The following CPNE9 variants were observed in gnomAD, a reference collection of about 807,000 sequenced individuals.
CPNE9 encodes copine family member 9.
In CPNE9, 59 loss-of-function variants were observed where a neutral mutation model predicts 83.0. The observed-to-expected ratio is 0.71, with a 90% CI of 0.58 to 0.88. CPNE9 has a LOEUF of 0.88. Ranked by LOEUF, CPNE9 falls within the 40% of genes least tolerant of loss-of-function variation. The pLI is 0.00. For synonymous variants in CPNE9, 256 were observed against 273.4 expected, an observed-to-expected ratio of 0.94 and a Z score of 0.63; for missense variants, 619 against 720.8, an observed-to-expected ratio of 0.86 and a Z score of 1.62.
intron 7 of CPNE9, among the ~76,000 whole-genome samples, chr3:9,708,507 A>C (rs1440454512): frequency 6.6e-6 from 1 of 152,262 alleles, no homozygotes; most frequent in Non-Finnish European, 1.5e-5. Context: ...AAATGCTGCT[A>C]CAGCTCAAAT....
chr3:9,726,695 G>C lies in CPNE9; in HGVS notation c.1375G>C (p.Val459Leu), dbSNP rs566993609. Residue 459 changes from valine (V) to leucine (L), a missense_variant, in exon 19 of 21, where the codon GTC becomes CTC. Around this residue, in one of 3 missense-constraint regions of CPNE9, gnomAD observed 438 missense variants for 562.9 expected, o/e 0.78. Transcript: ENST00000383832. ...CTCATTGCCCATGTCTATCATTATCGTCGGTGTAGGACCAGCCATGTTTGA... is the reference window on the plus strand; with the variant it reads ...CTCATTGCCCATGTCTATCATTATCCTCGGTGTAGGACCAGCCATGTTTGA... ...ASSLPMSIII[V>L]GVGPAMFEAM... 6.2e-7 allele frequency: 1 copy of C among 1,613,832 alleles called. No homozygotes were observed. Among genetic ancestry groups the C allele is most frequent in the South Asian group, 1.1e-5 (1 of 91,056 alleles).
intron 7 of CPNE9, among the ~76,000 whole-genome samples, chr3:9,709,224 C>T (rs542564924): frequency 4.2e-5 from 6 of 142,382 alleles, no homozygotes; most frequent in East Asian, 2.2e-4. Flanking sequence ...TGCAGTGAGC[C>T]GAGATCACGC....
In CPNE9 at chr3:9,704,048, A is replaced by G. The variant is rs1304931070; in HGVS notation, c.52A>G (p.Ile18Val). Residue 18 changes from isoleucine (I) to valine (V), a missense_variant, in exon 1 of 21, where the codon ATT (isoleucine) becomes GTT (valine). Physicochemically the swap from Ile to Val is conservative, Grantham distance 29. Coordinates refer to ENST00000383832, the MANE Select transcript of CPNE9 (RefSeq NM_153635.3). This position sits in a 1 kb window ranked among gnomAD's most constrained non-coding sequence, Gnocchi z 7.1. ...CAGCGTCCCGGCCACCAAGATTGAA[A>G]TTACCGTGTCCTGCCGGTGAGCGGG... ...ERSVPATKIE[I>V]TVSCRNLLDL... is the part of the protein sequence containing the mutation. 6.2e-7 allele frequency: 1 copy of G among 1,608,884 alleles called. No homozygotes were observed. The highest frequency in any genetic ancestry group is 1.7e-5 in the Admixed American group (1 of 59,812).
intron 10 of CPNE9, 131 bp from the exon 11 acceptor site, chr3:9,714,783 T>A: frequency 1.3e-6 from 1 of 744,540 alleles, no homozygotes; most frequent in South Asian, 1.8e-5. Flanking sequence ...GGGAGGCAGG[T>A]TGAAAGATGA....
At chr3:9,708,781 C>T (rs1022083924) in intron 7 of CPNE9, among the ~76,000 whole-genome samples, 12 of 151,994 alleles carry the variant, frequency 7.9e-5, no homozygotes, top group East Asian at 1.9e-4. Flanking sequence ...TACAGGCACC[C>T]GCCACCATGC....
At chr3:9,716,924 T>C in intron 14 of CPNE9, 134 bp from the exon 15 acceptor site, 1 of 907,520 alleles carries the variant, frequency 1.1e-6, no homozygotes, top group Non-Finnish European at 1.7e-6. Context: ...TGTTAGGCTC[T>C]ACCCAGACCA....
At chr3:9,717,544 G>GATAGATCC (rs2076695009) in intron 15 of CPNE9, among the ~76,000 whole-genome samples, 1 of 152,306 alleles carries the variant, frequency 6.6e-6, no homozygotes, top group African/African-American at 2.4e-5. Context: ...TGCATGAGTG[G>GATAGATCC]ATAGATCCAT....
chr3:9,724,939 T>A (rs1018557931), intron 17 of CPNE9, among the ~76,000 whole-genome samples: 1 of 152,004 alleles, frequency 6.6e-6, no homozygotes, highest in African/African-American at 2.4e-5. Flanking sequence ...GTATTTTTCA[T>A]AGAGACAGGG....
At chr3:9,721,606 G>C (rs1456088155) in intron 17 of CPNE9, among the ~76,000 whole-genome samples, 1 of 152,170 alleles carries the variant, frequency 6.6e-6, no homozygotes, top group East Asian at 1.9e-4. Flanking sequence ...GGGTCTAGAG[G>C]ACGAGGTAGA....
rs1220045811 is a variant in CPNE9 at position 9,715,829 on chromosome 3, G to C, written c.823-145G>C. The C allele has an allele frequency of 8.8e-6, 6 of 680,864 alleles. No homozygotes were observed. The Admixed American group carries it at 1.1e-4, about 13-fold the overall frequency. 42.2% of individuals were successfully genotyped at this position (680,864 alleles called of 1,614,324 possible). A position where few individuals can be genotyped will look rare whatever the true frequency, so the allele number is the denominator to read the frequency against. ...TTCCCCTTTTCCCCTGTCAGAAGTT[G>C]AACAGGGTGGGACTGACTGGGGGAG... On this transcript the variant is annotated intron_variant, in intron 13 of 20. Transcript: ENST00000383832.
Position 9,712,647 on chromosome 3 carries a change from C to T in CPNE9, c.441+43C>T, listed in dbSNP as rs757191477. 64 of 1,607,928 alleles carry T rather than the reference C, an allele frequency of 4.0e-5. 1 individual carries two copies. In the South Asian group the frequency reaches 6.6e-4, roughly 17 times the overall value. ...GCTAGACCCAGGAGCTCCCTTCTCTCCCCGTAAACCCTTTAATGGACTGTC... is the reference window on the plus strand; with the variant it reads ...GCTAGACCCAGGAGCTCCCTTCTCTTCCCGTAAACCCTTTAATGGACTGTC... On this transcript the variant is annotated intron_variant, in intron 8 of 20. Transcript: ENST00000383832.
chr3:9,717,374 G>A (rs1285929757), intron 15 of CPNE9, among the ~76,000 whole-genome samples: 1 of 152,218 alleles, frequency 6.6e-6, no homozygotes, highest in African/African-American at 2.4e-5. Context: ...GAGGTGAACA[G>A]GTGGTGAGTC....
intron 17 of CPNE9, among the ~76,000 whole-genome samples, chr3:9,722,169 C>A (rs534903285): frequency 6.6e-6 from 1 of 151,784 alleles, no homozygotes; most frequent in East Asian, 1.9e-4. Flanking sequence ...CACCCCCCCC[C>A]GCCACCCGGC....
Position 9,705,739 on chromosome 3 carries a change from G to A in CPNE9, c.300+19G>A. The A allele has an allele frequency of 1.9e-6, 3 of 1,613,228 alleles. No individual in the cohort carries two copies. The highest frequency in any genetic ancestry group is 2.5e-6 in the Non-Finnish European group (3 of 1,179,376). On this transcript the variant is annotated intron_variant, in intron 6 of 20. Coordinates refer to ENST00000383832, the MANE Select transcript of CPNE9 (RefSeq NM_153635.3). ...GCAGAAGGTGAGGCTGAATGGGGCT[G>A]GGCAGAGGTTGGGGGTGGGGGTGGT...
At chr3:9,728,771 C>A (rs549168250) in intron 20 of CPNE9, among the ~76,000 whole-genome samples, 37 of 151,214 alleles carry the variant, frequency 2.4e-4, no homozygotes, top group African/African-American at 6.3e-4. Flanking sequence ...CATCTCATTT[C>A]TTCTCCTCTC....
intron 6 of CPNE9, 25 bp downstream of exon 6, chr3:9,705,745 AG>A (rs1478423445): frequency 7.3e-7 from 1 of 1,365,988 alleles, no homozygotes; most frequent in Non-Finnish European, 1.0e-6. Context: ...GGCTGGGCAG[AG>A]GTTGGGGGTG....
At position 9,704,541 on chromosome 3, in the gene CPNE9, C is replaced by A; in HGVS notation, c.69-46C>A. The A allele has an allele frequency of 4.0e-6, 6 of 1,512,702 alleles. No homozygotes were observed. Among genetic ancestry groups the A allele is most frequent in the South Asian group, 1.2e-5 (1 of 85,116 alleles). The allele number at this position is 1,512,702 out of a possible 1,614,324, so 93.7% of individuals were successfully genotyped here. A position where few individuals can be genotyped will look rare whatever the true frequency, so the allele number is the denominator to read the frequency against. ...CGGCTCAGAGCCGACTCGAGGCGGG[C>A]GGACTCCAGGATGATCCACTCTGTC... On this transcript the variant is annotated intron_variant, in intron 1 of 20. Coordinates refer to ENST00000383832, the MANE Select transcript of CPNE9 (RefSeq NM_153635.3). This position sits in a 1 kb window ranked among gnomAD's most constrained non-coding sequence, Gnocchi z 7.1.
chr3:9,728,577 C>T (rs555293212), intron 20 of CPNE9, among the ~76,000 whole-genome samples: 63 of 152,018 alleles, frequency 4.1e-4, no homozygotes, highest in Non-Finnish European at 7.9e-4. Context: ...GAGCCGAGAT[C>T]GCACCATTGC....
intron 15 of CPNE9, among the ~76,000 whole-genome samples, chr3:9,717,621 G>A (rs1575126615): frequency 6.6e-6 from 1 of 152,176 alleles, no homozygotes; most frequent in East Asian, 1.9e-4. Flanking sequence ...AAATAATACT[G>A]TTGTATAGAT....
Sources: allele counts gnomAD v4.1 joint callset (sites outside exome capture counted in the v4.1 genomes callset), GRCh38; gene constraint gnomAD v4.1.1; regional missense constraint gnomAD v4.1.1; non-coding constraint Gnocchi (gnomAD v3.1); transcripts MANE v1.5; gene names NCBI Gene and HGNC (gene_info 2026-07-23, HGNC 2026-07-21).